Variants in CELF2 observed in about 807,000 individuals in gnomAD.
CELF2 encodes CUG triplet repeat RNA-binding protein 2.
CELF2 carries 8 observed loss-of-function variants against 62.6 expected under a neutral mutation model. The observed-to-expected ratio is 0.13, with a 90% CI of 0.07 to 0.23. CELF2 has a LOEUF of 0.23. Among genes scored for constraint, CELF2 ranks in the 10% least tolerant of loss-of-function variants. The pLI is 1.00. For synonymous variants in CELF2, 258 were observed against 250.0 expected (o/e 1.03, Z -0.30); for missense variants, 333 against 671.0 (o/e 0.50, Z 5.56).
rs1206980423 is a variant in CELF2, at chr10:11,327,615, A to ACTAT, written c.1439-1308_1439-1305dup. 2.6e-5 allele frequency among the ~76,000 whole-genome samples: 4 copies of ACTAT among 152,310 alleles called. No individual in the cohort carries two copies. The East Asian group carries it at 5.8e-4, about 22-fold the overall frequency. Reference sequence around the variant, plus strand: ...CACCTTTGTCCATTTCCATTCTGTAACTATCTTGCTGTTCCTTGATAAAGA... The same window carrying ACTAT: ...CACCTTTGTCCATTTCCATTCTGTAACTATCTATCTTGCTGTTCCTTGATAAAGA... On this transcript the variant is annotated intron_variant, in intron 12 of 12. Coordinates refer to ENST00000633077, the MANE Select transcript of CELF2 (RefSeq NM_001326342.2).
At position 11,223,131 on chromosome 10, in the gene CELF2, C is replaced by T. The variant is rs74722156; in HGVS notation, c.354+5624C>T. Among the ~76,000 whole-genome samples the T allele has an allele frequency of 0.083, 12,599 of 152,202 alleles. 525 individuals carry two copies. Among genetic ancestry groups the T allele is most frequent in the Middle Eastern group, 0.15 (44 of 292 alleles). On this transcript the variant is annotated intron_variant, in intron 3 of 12. Coordinates refer to ENST00000633077, the MANE Select transcript of CELF2 (RefSeq NM_001326342.2). This position sits in a 1 kb window ranked among gnomAD's most constrained non-coding sequence, Gnocchi z 5.1. The stretch of plus-strand genomic sequence containing the variant: ...TCTTTGTTTATGGGTGCTTTGAGTC[C>T]GGATCATGGCAGATTCATGGTGCGT...
intron 1 of CELF2, among the ~76,000 whole-genome samples, chr10:10,874,067 T>G (rs1444359009): frequency 6.6e-6 from 1 of 152,224 alleles, no homozygotes; most frequent in African/African-American, 2.4e-5. Flanking sequence ...TCCCAGCACT[T>G]TGGGAGGCAG....
intron 1 of CELF2, among the ~76,000 whole-genome samples, chr10:11,038,496 T>C (rs554559628): frequency 6.6e-6 from 1 of 152,312 alleles, no homozygotes; most frequent in South Asian, 2.1e-4. Flanking sequence ...AAGTTAATCC[T>C]ATTAGACAGT....
rs112319343 is a variant in CELF2 at position 11,075,803 on chromosome 10, G to GT, written c.74+57641dup. 0.065 allele frequency among the ~76,000 whole-genome samples: 9,859 copies of GT among 152,050 alleles called. 573 individuals carry two copies. Among genetic ancestry groups the GT allele is most frequent in the African/African-American group, 0.16 (6,664 of 41,436 alleles). On this transcript the variant is annotated intron_variant, in intron 1 of 12. Coordinates refer to ENST00000633077, the MANE Select transcript of CELF2 (RefSeq NM_001326342.2). The surrounding 1 kb of genome is among the most constrained non-coding windows in gnomAD (Gnocchi z 5.4). ...GTGCTATGGAATGATGGTTGAAAAC[G>GT]TCGTAGGCAAGAAAAAAGCATCAGT...
At chr10:10,875,026 C>A (rs1007820838) in intron 1 of CELF2, among the ~76,000 whole-genome samples, 1 of 152,112 alleles carries the variant, frequency 6.6e-6, no homozygotes, top group African/African-American at 2.4e-5. Context: ...AATATAGACC[C>A]TTTGGGGGTT....
At chr10:10,701,525 G>A in the CELF2 span, among the ~76,000 whole-genome samples, 12 of 152,188 alleles carry the variant, frequency 7.9e-5, no homozygotes, top group East Asian at 1.9e-4. Context: ...ATTAGTATGC[G>A]TCCTTTCAAT....
At chr10:10,929,603 G>C (rs2065873802) in intron 2 of CELF2, 3 of 152,160 alleles carry the variant, frequency 2.0e-5, no homozygotes, top group South Asian at 2.1e-4. Flanking sequence ...CCACTTACTT[G>C]TTCTTTGACC....
At chr10:11,163,556 T>G (rs2066223402) in intron 1 of CELF2, among the ~76,000 whole-genome samples, 1 of 152,344 alleles carries the variant, frequency 6.6e-6, no homozygotes, top group Non-Finnish European at 1.5e-5. Flanking sequence ...GGCTCTAATA[T>G]AAACAAGGAT....
chr10:10,486,264 T>C, the CELF2 span, among the ~76,000 whole-genome samples: 1 of 152,156 alleles, frequency 6.6e-6, no homozygotes, highest in African/African-American at 2.4e-5. Context: ...TCCAACCTTT[T>C]CCTTTTCTCA....
intron 9 of CELF2, among the ~76,000 whole-genome samples, chr10:11,310,152 G>A (rs978966674): frequency 3.3e-5 from 5 of 152,204 alleles, no homozygotes; most frequent in African/African-American, 4.8e-5. Flanking sequence ...GACTGAGGTA[G>A]GGACCCCTCT....
the CELF2 span, among the ~76,000 whole-genome samples, chr10:10,481,745 A>AT: frequency 6.6e-6 from 1 of 152,172 alleles, no homozygotes; most frequent in Admixed American, 6.5e-5. Flanking sequence ...TTGTGTGATG[A>AT]TTTTTTCCCT....
At chr10:10,557,219 A>T in the CELF2 span, among the ~76,000 whole-genome samples, 1 of 139,256 alleles carries the variant, frequency 7.2e-6, no homozygotes, top group South Asian at 2.4e-4. Context: ...TATAAGGTGT[A>T]AGGAAGGGAT....
the CELF2 span, among the ~76,000 whole-genome samples, chr10:10,642,094 A>G: frequency 6.6e-6 from 1 of 152,232 alleles, no homozygotes; most frequent in African/African-American, 2.4e-5. Context: ...CAAGGCCATC[A>G]TGGGGGAAAG....
intron 1 of CELF2, among the ~76,000 whole-genome samples, chr10:11,144,914 A>AAG (rs1554873249): frequency 6.0e-5 from 9 of 149,986 alleles, no homozygotes; most frequent in Non-Finnish European, 1.0e-4. Context: ...AAAAAAAAAA[A>AAG]AAAAAAAAAG....
the CELF2 span, among the ~76,000 whole-genome samples, chr10:10,637,492 G>A: frequency 9.2e-5 from 14 of 152,110 alleles, no homozygotes; most frequent in African/African-American, 1.7e-4. Flanking sequence ...AACTTTTCAC[G>A]TCAGCCCTGG....
At chr10:10,618,685 C>T in the CELF2 span, among the ~76,000 whole-genome samples, 8 of 152,038 alleles carry the variant, frequency 5.3e-5, no homozygotes, top group Admixed American at 4.6e-4. Flanking sequence ...GAAGCAGCAT[C>T]GTTGTCTGGA....
chr10:11,222,890 A>G (rs887063249), intron 3 of CELF2, among the ~76,000 whole-genome samples: 1 of 152,246 alleles, frequency 6.6e-6, no homozygotes, highest in Non-Finnish European at 1.5e-5. Context: ...AAATTGTTTC[A>G]TAGACACAGA....
intron 5 of CELF2, among the ~76,000 whole-genome samples, chr10:11,265,417 A>G (rs2081936098): frequency 6.6e-6 from 1 of 152,250 alleles, no homozygotes; most frequent in South Asian, 2.1e-4. Flanking sequence ...TCTGATACCT[A>G]AGTTCAAACT....
At chr10:10,514,273 G>T in the CELF2 span, among the ~76,000 whole-genome samples, 1 of 152,310 alleles carries the variant, frequency 6.6e-6, no homozygotes, top group Non-Finnish European at 1.5e-5. Flanking sequence ...ATAGAAAGTA[G>T]CTCGTTATAC....
Sources: allele counts gnomAD v4.1 joint callset (sites outside exome capture counted in the v4.1 genomes callset), GRCh38; gene constraint gnomAD v4.1.1; non-coding constraint Gnocchi (gnomAD v3.1); transcripts MANE v1.5; gene names NCBI Gene and HGNC (gene_info 2026-07-23, HGNC 2026-07-21).